The following BRPF3 variants were observed in gnomAD, a reference collection of about 807,000 sequenced individuals.
BRPF3 encodes the protein bromodomain and PHD finger containing 3.
Under a neutral mutation model 102.0 loss-of-function variants are expected in BRPF3, and 18 were observed. That is an observed-to-expected ratio of 0.18 (90% CI 0.12 to 0.26). The LOEUF (loss-of-function observed/expected upper bound fraction) is 0.26. BRPF3 is among the 10% of genes least tolerant of loss of function. The pLI, the probability that BRPF3 is intolerant of heterozygous loss-of-function variation, is 1.00. For synonymous variants in BRPF3, 570 were observed against 614.2 expected (o/e 0.93, Z 1.06); for missense variants, 1,147 against 1,567.8 (o/e 0.73, Z 4.53).
intron 4 of BRPF3, 94 bp from the exon 5 acceptor site, chr6:36,209,693 T>C (rs1178716299): frequency 6.7e-7 from 1 of 1,494,760 alleles, no homozygotes; most frequent in Non-Finnish European, 9.0e-7. Context: ...AAATTTGTTG[T>C]ACAAGATTGG....
chr6:36,208,726 AT>A (rs937118009), intron 4 of BRPF3, among the ~76,000 whole-genome samples: 23 of 152,128 alleles, frequency 1.5e-4, no homozygotes, highest in African/African-American at 5.3e-4. Context: ...GTTCAGAGAA[AT>A]GAGAGAGAGA....
Position 36,230,388 on chromosome 6 carries a change from C to A in BRPF3, c.3435-38C>A. ...CAGGAGCCCGAGCCCCCTGTGAGAC[C>A]CACTACTGCCCAGCCTCTTACTGTG... On this transcript the variant is annotated intron_variant, in intron 12 of 12. Transcript: ENST00000357641. The surrounding 1 kb of genome is among the most constrained non-coding windows in gnomAD (Gnocchi z 5.4). 1 of 1,603,032 alleles carries A rather than the reference C, an allele frequency of 6.2e-7. No individual in the cohort carries two copies. Among genetic ancestry groups the A allele is most frequent in the South Asian group, 1.1e-5 (1 of 89,690 alleles).
rs575890517 is a variant in BRPF3, at chr6:36,199,346, C to T, written c.-26-951C>T. Among the ~76,000 whole-genome samples the T allele has an allele frequency of 1.2e-4, 18 of 152,328 alleles. No individual in the cohort carries two copies. The East Asian group carries it at 3.3e-3, about 28-fold the overall frequency. ...TCTGAGGTGGAACAGTGTTCACCAC[C>T]CACCCTCATCTGTGGAAAAATTGTC... On this transcript the variant is annotated intron_variant, in intron 1 of 12. Transcript: ENST00000357641.
Position 36,232,740 on chromosome 6 carries a change from C to A in BRPF3, c.*2131C>A, listed in dbSNP as rs1768974834. 6.6e-6 allele frequency: 1 copy of A among 152,474 alleles called. No homozygotes were observed. The highest frequency in any genetic ancestry group is 2.4e-5 in the African/African-American group (1 of 41,424). 9.4% of individuals were successfully genotyped at this position (152,474 alleles called of 1,614,324 possible). ...GTTAATTTTACCTACTATAATATGA[C>A]TGTCTGAAACTTATTTTCTCTCTGA... On this transcript the variant is annotated 3_prime_UTR_variant, in exon 13 of 13. Transcript: ENST00000357641.
intron 8 of BRPF3, among the ~76,000 whole-genome samples, chr6:36,215,901 T>C (rs995307657): frequency 2.0e-5 from 3 of 152,220 alleles, no homozygotes; most frequent in African/African-American, 7.2e-5. Flanking sequence ...TTTTGCTCTT[T>C]GTGTCCCTCA....
chr6:36,227,431 C>T (rs1422068657), intron 11 of BRPF3, among the ~76,000 whole-genome samples: 2 of 152,144 alleles, frequency 1.3e-5, no homozygotes, highest in Non-Finnish European at 2.9e-5. Context: ...AGTTTTATCA[C>T]AAACTTTGTT....
intron 11 of BRPF3, 115 bp downstream of exon 11, chr6:36,225,479 G>GA (rs1489382596): frequency 8.5e-6 from 8 of 946,588 alleles, no homozygotes; most frequent in Non-Finnish European, 1.2e-5. Flanking sequence ...AGCTGTAGAG[G>GA]GGAGGGGGGT....
chr6:36,204,361 G>A (rs755893991), intron 2 of BRPF3: 59 of 392,532 alleles, frequency 1.5e-4, no homozygotes, highest in Non-Finnish European at 2.7e-4. Flanking sequence ...TTTTCAGTCC[G>A]TACGTGGAAC....
Position 36,210,420 on chromosome 6 carries a change from C to A in BRPF3, c.2071C>A (p.Arg691=), listed in dbSNP as rs764612545. 6.2e-7 allele frequency: 1 copy of A among 1,613,640 alleles called. No individual in the cohort carries two copies. The highest frequency in any genetic ancestry group is 8.5e-7 in the Non-Finnish European group (1 of 1,180,038). ...RLRDLGGAIL[R]HARRQAENIG... ...GCGGGACCTGGGAGGGGCCATCCTA[C>A]GGCACGCCCGGCGGCAGGCAGAGAA... Residue 691 remains arginine, a synonymous_variant, in exon 6 of 13, where the codon CGG becomes AGG. Transcript: ENST00000357641. This position sits in a 1 kb window ranked among gnomAD's most constrained non-coding sequence, Gnocchi z 4.7.
chr6:36,214,909 G>A (rs2127289829), intron 8 of BRPF3, among the ~76,000 whole-genome samples: 1 of 152,262 alleles, frequency 6.6e-6, no homozygotes, highest in South Asian at 2.1e-4. Flanking sequence ...ATCTGAAGGA[G>A]TTGAAGGCAT....
intron 10 of BRPF3, among the ~76,000 whole-genome samples, chr6:36,223,518 C>T (rs1235240487): frequency 2.0e-5 from 3 of 152,138 alleles, no homozygotes; most frequent in African/African-American, 4.8e-5. Context: ...ACATGATTGT[C>T]TTCATTTTTC....
At chr6:36,226,688 G>A (rs1327569769) in intron 11 of BRPF3, among the ~76,000 whole-genome samples, 1 of 152,234 alleles carries the variant, frequency 6.6e-6, no homozygotes, top group Non-Finnish European at 1.5e-5. Context: ...GATAAGGAGA[G>A]GAGGAATTCT....
chr6:36,214,209 G>C lies in BRPF3; in HGVS notation c.2812G>C (p.Val938Leu). 1 of 1,614,208 alleles carries C rather than the reference G, an allele frequency of 6.2e-7. No homozygotes were observed. The highest frequency in any genetic ancestry group is 1.1e-5 in the South Asian group (1 of 91,086). ...CCTCTTCAAGAAGGCCAAGAATGGG[G>C]TTAAGCTACAGAGAAGCCCAGACAG... ...SVLFKKAKNGVKLQRSPDRVL... is the reference protein window; with the variant it reads ...SVLFKKAKNGLKLQRSPDRVL... Residue 938 changes from valine to leucine, a missense_variant, in exon 8 of 13, where the codon GTT (valine) becomes CTT (leucine). This residue lies in a region of BRPF3 where 379 missense variants were observed against 426.3 expected (regional missense o/e 0.89). Transcript: ENST00000357641.
At chr6:36,205,097 C>G (rs1767860167) in intron 3 of BRPF3, among the ~76,000 whole-genome samples, 1 of 152,124 alleles carries the variant, frequency 6.6e-6, no homozygotes, top group Non-Finnish European at 1.5e-5. Context: ...TAGCAGAAAG[C>G]CAGAAGTAGG....
At position 36,213,990 on chromosome 6, in the gene BRPF3, A is replaced by G. The variant is rs747786533; in HGVS notation, c.2593A>G (p.Ser865Gly). 3 of 1,613,964 alleles carry G rather than the reference A, an allele frequency of 1.9e-6. No individual in the cohort carries two copies. The highest frequency in any genetic ancestry group is 4.5e-5 in the East Asian group (2 of 44,842). The change falls in exon 8 of 13, where the codon AGC (serine) becomes GGC (glycine). Residue 865 changes from serine (S) to glycine (G), a missense_variant. By Grantham distance (56) the Ser-to-Gly change is moderately conservative. This residue lies in a region of BRPF3 where 379 missense variants were observed against 426.3 expected (regional missense o/e 0.89). Transcript: ENST00000357641. The part of the protein sequence containing the change: ...EPPTLKPIND[S>G]KPPSRFLKPR... ...CCCTACTCTGAAACCCATTAATGAT[A>G]GCAAACCTCCAAGCAGGTTCCTAAA...
rs754060980 is a variant in BRPF3 at position 36,222,177 on chromosome 6, G to GC, written c.3099dup (p.Lys1034GlnfsTer23). On this transcript the variant is annotated frameshift_variant, in exon 10 of 13. Transcript: ENST00000357641. LOFTEE classifies it high-confidence loss of function. The stretch of plus-strand genomic sequence containing the variant: ...CCTGCTCTGTGTGCAGTGGTCTGAC[G>GC]CCCCCCAAACGCAGCCGTGGGAAGC... 6.5e-7 allele frequency: 1 copy of GC among 1,550,216 alleles called. No homozygotes were observed. Among genetic ancestry groups the GC allele is most frequent in the Non-Finnish European group, 8.7e-7 (1 of 1,147,040 alleles).
chr6:36,200,374 C>T lies in BRPF3; in HGVS notation c.52C>T (p.Pro18Ser). 1 of 1,614,200 alleles carries T rather than the reference C, an allele frequency of 6.2e-7. No individual in the cohort carries two copies. The highest frequency in any genetic ancestry group is 8.5e-7 in the Non-Finnish European group (1 of 1,180,024). The change falls in exon 2 of 13, where the codon CCG becomes TCG. Residue 18 changes from proline to serine, a missense_variant. Coordinates refer to ENST00000357641, the MANE Select transcript of BRPF3 (RefSeq NM_015695.3). The surrounding 1 kb of genome is among the most constrained non-coding windows in gnomAD (Gnocchi z 5.3). ...GCAGAATGCCGAGGGCCGGCGTTCCCCGTCCCCCTACAGTCTCAAGTGCTC... is the reference window on the plus strand; with the variant it reads ...GCAGAATGCCGAGGGCCGGCGTTCCTCGTCCCCCTACAGTCTCAAGTGCTC... ...SRQNAEGRRSPSPYSLKCSPT... is the reference protein window; with the variant it reads ...SRQNAEGRRSSSPYSLKCSPT...
intron 2 of BRPF3, among the ~76,000 whole-genome samples, chr6:36,203,333 A>C (rs1767785647): frequency 6.6e-6 from 1 of 152,230 alleles, no homozygotes; most frequent in Non-Finnish European, 1.5e-5. Flanking sequence ...GAGATAATAT[A>C]AGTAAAGCAC....
In BRPF3 at chr6:36,230,861, A is replaced by C. The variant is rs191496452; in HGVS notation, c.*252A>C. Reference sequence around the variant, plus strand: ...ATATTTCACTGAAGAACCAGTTAGAAGTAGAAACAGCTGTGGGGCTTGGGC... The same window carrying C: ...ATATTTCACTGAAGAACCAGTTAGACGTAGAAACAGCTGTGGGGCTTGGGC... On this transcript the variant is annotated 3_prime_UTR_variant, in exon 13 of 13. Coordinates refer to ENST00000357641, the MANE Select transcript of BRPF3 (RefSeq NM_015695.3). This position sits in a 1 kb window ranked among gnomAD's most constrained non-coding sequence, Gnocchi z 5.4. 229 of 505,654 alleles carry C rather than the reference A, an allele frequency of 4.5e-4. No homozygotes were observed. Among genetic ancestry groups the C allele is most frequent in the African/African-American group, 3.9e-3 (202 of 51,836 alleles). The allele number at this position is 505,654 out of a possible 1,614,324, so 31.3% of individuals were successfully genotyped here. A position where few individuals can be genotyped will look rare whatever the true frequency, so the allele number is the denominator to read the frequency against.
Sources: gnomAD v4.1 joint callset for allele counts (sites outside exome capture counted in the v4.1 genomes callset) on GRCh38, gnomAD v4.1.1 for gene constraint, gnomAD v4.1.1 regional missense constraint, Gnocchi (gnomAD v3.1) non-coding constraint, MANE v1.5 for transcripts, NCBI Gene and HGNC (gene_info 2026-07-23, HGNC 2026-07-21) for gene names.